ATP1A2: variants seen among roughly 807,000 people sequenced by gnomAD.
ATP1A2 encodes the protein ATPase Na+/K+ transporting subunit alpha 2, also known as sodium/potassium-transporting ATPase subunit alpha-2.
In ATP1A2, 56 loss-of-function variants were observed where a neutral mutation model predicts 113.1. The ratio of observed to expected loss-of-function variants is 0.49; its 90% CI spans 0.40 to 0.62. The LOEUF (loss-of-function observed/expected upper bound fraction) is 0.62. Ranked by LOEUF, ATP1A2 falls within the 20% of genes least tolerant of loss-of-function variation. ATP1A2 has a pLI of 0.00. For synonymous variants in ATP1A2, 490 were observed against 526.8 expected, an observed-to-expected ratio of 0.93 and a Z score of 0.96; for missense variants, 712 against 1,357.8, an observed-to-expected ratio of 0.52 and a Z score of 7.47.
At chr1:160,122,123 C>G (rs771566417) in intron 3 of ATP1A2, among the ~76,000 whole-genome samples, 1 of 152,188 alleles carries the variant, frequency 6.6e-6, no homozygotes, top group East Asian at 1.9e-4. Flanking sequence ...TAGAGTGAGA[C>G]TCCATCTTGA....
Position 160,135,653 on chromosome 1 carries a change from C to A in ATP1A2, c.2284+51C>A, listed in dbSNP as rs749260202. ...GGTTTGCAGGATACTGAAGCCGGCA[C>A]CTCTGTTCCCTGTCCCTTTACCCCA... On this transcript the variant is annotated intron_variant, in intron 16 of 22. Transcript: ENST00000361216. This position sits in a 1 kb window ranked among gnomAD's most constrained non-coding sequence, Gnocchi z 6.3. 1 of 1,612,232 alleles carries A rather than the reference C, an allele frequency of 6.2e-7. No homozygotes were observed. The highest frequency in any genetic ancestry group is 1.3e-5 in the African/African-American group (1 of 74,828).
Position 160,142,971 on chromosome 1 carries a change from A to G in ATP1A2, c.*1649A>G, listed in dbSNP as rs186562983. ...TTCTTTCCCTTACTCCCTATCTAAC[A>G]CTTTTGCTCTGCAGGCAGCCTTGCC... On this transcript the variant is annotated 3_prime_UTR_variant, in exon 23 of 23. Transcript: ENST00000361216. 5 of 152,208 alleles carry G rather than the reference A, an allele frequency of 3.3e-5. No homozygotes were observed. The highest frequency in any genetic ancestry group is 1.2e-4 in the African/African-American group (5 of 41,530). 9.4% of individuals were successfully genotyped at this position (152,208 alleles called of 1,614,324 possible).
chr1:160,126,120 A>AT (rs1254938476), intron 7 of ATP1A2, among the ~76,000 whole-genome samples: 2 of 152,116 alleles, frequency 1.3e-5, no homozygotes, highest in African/African-American at 2.4e-5. Flanking sequence ...ACAAGTTGGA[A>AT]TTCCACTGCT....
In ATP1A2 at chr1:160,129,533, C is replaced by T. The variant is rs935978424; in HGVS notation, c.1461+133C>T. ...ATGTTCCCTCCCCCTGCTAAGTCCCCCAGGACAGCTCATATGACTGCATGT... is the reference window on the plus strand; with the variant it reads ...ATGTTCCCTCCCCCTGCTAAGTCCCTCAGGACAGCTCATATGACTGCATGT... On this transcript the variant is annotated intron_variant, in intron 11 of 22. Transcript: ENST00000361216. 196 of 1,374,050 alleles carry T rather than the reference C, an allele frequency of 1.4e-4. 3 individuals are homozygous for T. The South Asian group carries it at 2.0e-3, about 14-fold the overall frequency. 85.1% of individuals were successfully genotyped at this position (1,374,050 alleles called of 1,614,324 possible). A position where few individuals can be genotyped will look rare whatever the true frequency, so the allele number is the denominator to read the frequency against.
chr1:160,118,516 C>A (rs1240365820), intron 1 of ATP1A2, among the ~76,000 whole-genome samples: 2 of 152,168 alleles, frequency 1.3e-5, no homozygotes, highest in Non-Finnish European at 2.9e-5. Context: ...CTGAGAAAGG[C>A]AGAGGCAGAA....
intron 21 of ATP1A2, 54 bp downstream of exon 21, chr1:160,139,795 C>T: frequency 6.2e-7 from 1 of 1,612,104 alleles, no homozygotes; most frequent in Non-Finnish European, 8.5e-7. Context: ...CTTCAGCCCC[C>T]TCCAGGATCC....
At position 160,129,255 on chromosome 1, in the gene ATP1A2, T is replaced by A. The variant is rs776817393; in HGVS notation, c.1327-11T>A. 2 of 1,614,064 alleles carry A rather than the reference T, an allele frequency of 1.2e-6. No individual in the cohort carries two copies. The highest frequency in any genetic ancestry group is 2.7e-5 in the African/African-American group (2 of 74,916). On this transcript the variant is annotated splice_polypyrimidine_tract_variant and intron_variant, in intron 10 of 22. Coordinates refer to ENST00000361216, the MANE Select transcript of ATP1A2 (RefSeq NM_000702.4). ...CCCATGCTGACACTGAATTCTTGTCTCTTCTGGCAGCGGGACACAGCTGGT... is the reference window on the plus strand; with the variant it reads ...CCCATGCTGACACTGAATTCTTGTCACTTCTGGCAGCGGGACACAGCTGGT...
chr1:160,135,818 G>A lies in ATP1A2; in HGVS notation c.2285-21G>A. On this transcript the variant is annotated intron_variant, in intron 16 of 22. Coordinates refer to ENST00000361216, the MANE Select transcript of ATP1A2 (RefSeq NM_000702.4). This position sits in a 1 kb window ranked among gnomAD's most constrained non-coding sequence, Gnocchi z 6.3. ...GAAGAGTCCCTCTGACCTCCCTGAT[G>A]CCCTCAGAATCTCCCCACAGGCCGC... 6.2e-7 allele frequency: 1 copy of A among 1,614,056 alleles called. No homozygotes were observed. The highest frequency in any genetic ancestry group is 1.1e-5 in the South Asian group (1 of 91,076).
At position 160,115,833 on chromosome 1, in the gene ATP1A2, C is replaced by T. The variant is rs182380403; in HGVS notation, c.-29C>T. 1.1e-5 allele frequency: 18 copies of T among 1,589,500 alleles called. 1 individual carries two copies. The African/African-American group carries it at 1.2e-4, about 11-fold the overall frequency. On this transcript the variant is annotated 5_prime_UTR_variant, in exon 1 of 23. Transcript: ENST00000361216. The stretch of plus-strand genomic sequence containing the variant: ...GGGATCCTCCTGGTGACCTCTCCCG[C>T]TAAGGTCCCTCAGCCACTCTGCCCC...
At position 160,143,576 on chromosome 1, in the gene ATP1A2, C is replaced by A. The variant is rs1260699062; in HGVS notation, c.*2254C>A. On this transcript the variant is annotated 3_prime_UTR_variant, in exon 23 of 23. Transcript: ENST00000361216. ...ACTTGAAAATAATAAAGTGGCATTT[C>A]TTTATGAAAAAAAAAGAAATCTCTT... The A allele has an allele frequency of 6.6e-6, 1 of 152,136 alleles. No homozygotes were observed. The highest frequency in any genetic ancestry group is 1.5e-5 in the Non-Finnish European group (1 of 67,966). 9.4% of individuals were successfully genotyped at this position (152,136 alleles called of 1,614,324 possible).
intron 13 of ATP1A2, among the ~76,000 whole-genome samples, chr1:160,133,061 G>A (rs1330479426): frequency 1.3e-5 from 2 of 151,846 alleles, no homozygotes; most frequent in Non-Finnish European, 2.9e-5. Flanking sequence ...GGAGAAGGTC[G>A]GTGTTTAAAC....
Position 160,125,157 on chromosome 1 carries a change from G to A in ATP1A2, c.652G>A (p.Gly218Arg). ...GCKVDNSSLT[G>R]ESEPQTRSPE... ...TCAGGTGGATAACTCATCCTTAACA[G>A]GAGAGTCGGAGCCCCAGACCCGCTC... is the stretch of plus-strand genomic sequence containing the variant. Residue 218 changes from glycine (G) to arginine (R), a missense_variant, in exon 7 of 23, where the codon GGA becomes AGA. Transcript: ENST00000361216. 1 of 1,614,134 alleles carries A rather than the reference G, an allele frequency of 6.2e-7. No individual in the cohort carries two copies. The highest frequency in any genetic ancestry group is 8.5e-7 in the Non-Finnish European group (1 of 1,180,014).
intron 7 of ATP1A2, among the ~76,000 whole-genome samples, chr1:160,125,727 T>C (rs985929904): frequency 1.3e-5 from 2 of 152,218 alleles, no homozygotes; most frequent in African/African-American, 4.8e-5. Context: ...AGGTGAACAC[T>C]TGGGGCCTAC....
chr1:160,123,790 T>C (rs183467136), intron 4 of ATP1A2, among the ~76,000 whole-genome samples, 153 bp from the exon 5 acceptor site: 29 of 152,282 alleles, frequency 1.9e-4, no homozygotes, highest in Non-Finnish European at 5.9e-5. Context: ...GGGAGGTTAG[T>C]GAGAAGGGCT....
intron 2 of ATP1A2, 30 bp downstream of exon 2, chr1:160,121,040 G>A (rs748080460): frequency 6.2e-7 from 1 of 1,613,730 alleles, no homozygotes; most frequent in South Asian, 1.1e-5. Context: ...ATGGAGGAGG[G>A]GCCCCATGCT....
intron 11 of ATP1A2, 149 bp from the exon 12 acceptor site, chr1:160,129,953 C>T: frequency 4.1e-6 from 4 of 981,716 alleles, no homozygotes; most frequent in South Asian, 1.4e-5. Context: ...GAGGTCTAAA[C>T]ACCCCCCTGC....
At position 160,141,616 on chromosome 1, in the gene ATP1A2, C is replaced by CA. The variant is rs1458462245; in HGVS notation, c.*295dup. 1 of 460,240 alleles carries CA rather than the reference C, an allele frequency of 2.2e-6. No individual in the cohort carries two copies. The highest frequency in any genetic ancestry group is 4.0e-6 in the Non-Finnish European group (1 of 248,024). 28.5% of individuals were successfully genotyped at this position (460,240 alleles called of 1,614,324 possible). On this transcript the variant is annotated 3_prime_UTR_variant, in exon 23 of 23. Coordinates refer to ENST00000361216, the MANE Select transcript of ATP1A2 (RefSeq NM_000702.4). ...TTTTCTGAGGAATTAAGGGTTACCC[C>CA]ACCCTGCCCACTCCCATCCCTTCAA... is the stretch of plus-strand genomic sequence containing the variant.
chr1:160,122,935 A>G (rs1041888154), intron 3 of ATP1A2, among the ~76,000 whole-genome samples: 1 of 152,194 alleles, frequency 6.6e-6, no homozygotes, highest in Non-Finnish European at 1.5e-5. Flanking sequence ...GACTGCCTCC[A>G]GGGGAGATGT....
At chr1:160,139,852 C>T in intron 21 of ATP1A2, 41 bp from the exon 22 acceptor site, 1 of 1,612,056 alleles carries the variant, frequency 6.2e-7, no homozygotes. Flanking sequence ...GCCACCAAGC[C>T]AACCTCTGAT....
Sources: gnomAD v4.1 joint callset for allele counts (sites outside exome capture counted in the v4.1 genomes callset) on GRCh38, gnomAD v4.1.1 for gene constraint, Gnocchi (gnomAD v3.1) non-coding constraint, MANE v1.5 for transcripts, NCBI Gene and HGNC (gene_info 2026-07-23, HGNC 2026-07-21) for gene names.